ADAMTS9: variants seen among roughly 807,000 people sequenced by gnomAD.
ADAMTS9 encodes A disintegrin and metalloproteinase with thrombospondin motifs 9.
A neutral mutation model predicts 257.1 loss-of-function variants in ADAMTS9; 107 were observed. The ratio of observed to expected loss-of-function variants is 0.42; its 90% CI spans 0.36 to 0.49. The LOEUF (loss-of-function observed/expected upper bound fraction) is 0.49. Among genes scored for constraint, ADAMTS9 ranks in the 20% least tolerant of loss-of-function variants. The pLI, the probability that ADAMTS9 is intolerant of heterozygous loss-of-function variation, is 0.03. For synonymous variants in ADAMTS9, 982 were observed against 880.9 expected (o/e 1.11, Z -2.03); for missense variants, 2,353 against 2,469.1 (o/e 0.95, Z 1.00).
intron 12 of ADAMTS9, among the ~76,000 whole-genome samples, chr3:64,640,827 C>T (rs1462119290): frequency 6.6e-6 from 1 of 152,114 alleles, no homozygotes; most frequent in Non-Finnish European, 1.5e-5. Flanking sequence ...AAACAACCTT[C>T]CCCCACCCTC....
intron 37 of ADAMTS9, among the ~76,000 whole-genome samples, chr3:64,533,739 G>A (rs2083011863): frequency 6.6e-6 from 1 of 152,192 alleles, no homozygotes; most frequent in Non-Finnish European, 1.5e-5. Flanking sequence ...TTAGCACACC[G>A]CGTACTAAGC....
At chr3:64,657,773 T>C (rs1440896842) in intron 4 of ADAMTS9, among the ~76,000 whole-genome samples, 1 of 152,104 alleles carries the variant, frequency 6.6e-6, no homozygotes, top group African/African-American at 2.4e-5. Context: ...GTTAGAAACA[T>C]ATACAAAAAC....
At chr3:64,615,803 T>C (rs1180833757) in intron 20 of ADAMTS9, among the ~76,000 whole-genome samples, 157 bp downstream of exon 20, 1 of 152,186 alleles carries the variant, frequency 6.6e-6, no homozygotes, top group Non-Finnish European at 1.5e-5. Flanking sequence ...TCAACCATGC[T>C]ACTCTATTCT....
chr3:64,578,122 T>G (rs920054298), intron 28 of ADAMTS9, among the ~76,000 whole-genome samples: 1 of 152,174 alleles, frequency 6.6e-6, no homozygotes, highest in East Asian at 1.9e-4. Context: ...GAGAAATGTA[T>G]CTCAGCAGCA....
At chr3:64,669,666 G>A (rs1223417182) in intron 3 of ADAMTS9, among the ~76,000 whole-genome samples, 2 of 152,144 alleles carry the variant, frequency 1.3e-5, no homozygotes, top group East Asian at 3.9e-4. Context: ...CTGAGCCACT[G>A]TCACTGTCAG....
chr3:64,517,416 G>GTTTTTTTTTTGTTTTTTTTTTTTTTTT (rs2082789693), intron 39 of ADAMTS9, among the ~76,000 whole-genome samples: 1 of 52,638 alleles, frequency 1.9e-5, no homozygotes, highest in Non-Finnish European at 3.8e-5. Flanking sequence ...ATTAAAAATG[G>GTTTTTTTTTTGTTTTTTTTTTTTTTTT]TTTTTTTTTT....
intron 28 of ADAMTS9, among the ~76,000 whole-genome samples, chr3:64,579,747 G>A (rs1235714190): frequency 6.6e-6 from 1 of 152,170 alleles, no homozygotes; most frequent in Non-Finnish European, 1.5e-5. Flanking sequence ...TAAACATTCT[G>A]CACAATGCTC....
rs572621512 is a variant in ADAMTS9, at chr3:64,686,275, T to C, written c.516+293A>G. Among the ~76,000 whole-genome samples, 1 of 152,240 alleles carries C rather than the reference T, an allele frequency of 6.6e-6. No homozygotes were observed. The highest frequency in any genetic ancestry group is 1.9e-4 in the East Asian group (1 of 5,178). On this transcript the variant is annotated intron_variant, in intron 2 of 39. Transcript: ENST00000498707. The surrounding 1 kb of genome is among the most constrained non-coding windows in gnomAD (Gnocchi z 4.6). ...AGTAACTTTCTCCGAGTTTGGAAAC[T>C]GACTTCCAGGCCGCCTCGCAGCGTT...
intron 8 of ADAMTS9, among the ~76,000 whole-genome samples, chr3:64,652,370 A>C (rs1002674626): frequency 2.6e-5 from 4 of 152,254 alleles, no homozygotes. Context: ...TAGTTCTTAA[A>C]ACATGAGACT....
chr3:64,647,310 A>T (rs1700822124), intron 11 of ADAMTS9, among the ~76,000 whole-genome samples: 1 of 152,208 alleles, frequency 6.6e-6, no homozygotes, highest in Non-Finnish European at 1.5e-5. Flanking sequence ...CACTAGGTAC[A>T]GAAGGTTAAG....
At chr3:64,677,803 C>A (rs1053459811) in intron 3 of ADAMTS9, among the ~76,000 whole-genome samples, 3 of 152,108 alleles carry the variant, frequency 2.0e-5, no homozygotes, top group African/African-American at 7.2e-5. Context: ...ATGGACAGTT[C>A]CTGGTTTTCT....
intron 3 of ADAMTS9, among the ~76,000 whole-genome samples, chr3:64,667,461 C>T (rs1701376424): frequency 6.6e-6 from 1 of 152,180 alleles, no homozygotes; most frequent in Non-Finnish European, 1.5e-5. Context: ...GGATGGGCTT[C>T]CCTCTCAGGG....
Position 64,654,554 on chromosome 3 carries a change from T to A in ADAMTS9, c.1210+18A>T, listed in dbSNP as rs1348511918. Reference sequence around the variant, plus strand: ...GTAAAACGGTTTTAGCCATAGAAGATACGCACAGAGAACTCACCTAAGGTA... The same window carrying A: ...GTAAAACGGTTTTAGCCATAGAAGAAACGCACAGAGAACTCACCTAAGGTA... On this transcript the variant is annotated intron_variant, in intron 7 of 39. Transcript: ENST00000498707. The A allele has an allele frequency of 6.2e-7, 1 of 1,614,010 alleles. No individual in the cohort carries two copies. Among genetic ancestry groups the A allele is most frequent in the Non-Finnish European group, 8.5e-7 (1 of 1,179,938 alleles).
intron 32 of ADAMTS9, among the ~76,000 whole-genome samples, chr3:64,545,498 T>C (rs2083185170): frequency 6.6e-6 from 1 of 152,020 alleles, no homozygotes. Context: ...CTCAGCAAAC[T>C]ATCACAAGGA....
intron 30 of ADAMTS9, among the ~76,000 whole-genome samples, chr3:64,554,720 A>G (rs1172093524): frequency 6.6e-6 from 1 of 152,216 alleles, no homozygotes; most frequent in Non-Finnish European, 1.5e-5. Context: ...GAAAATAATC[A>G]CAGTGCTGGA....
intron 12 of ADAMTS9, among the ~76,000 whole-genome samples, chr3:64,636,278 T>A (rs1576145307): frequency 6.6e-6 from 1 of 152,272 alleles, no homozygotes; most frequent in Non-Finnish European, 1.5e-5. Context: ...ATAAAAAACA[T>A]TTTTTATAAA....
chr3:64,641,930 C>A lies in ADAMTS9; in HGVS notation c.1774G>T (p.Gly592Ter). Reference protein sequence around the residue: ...MDVPVTDGSWGSWSPFGTCSR... With the variant: ...MDVPVTDGSW ...CAGGTTCCAAAGGGACTCCAACTTC[C>A]CCAGGATCCATCTGTCACGGGGACA... is the stretch of plus-strand genomic sequence containing the variant. The change falls in exon 12 of 40, where the codon GGA (glycine) becomes TGA (stop). Residue 592 changes from glycine (G) to a stop codon, truncating the protein, a stop_gained. Transcript: ENST00000498707. LOFTEE classifies it high-confidence loss of function. The A allele has an allele frequency of 6.2e-7, 1 of 1,614,118 alleles. No homozygotes were observed. Among genetic ancestry groups the A allele is most frequent in the Non-Finnish European group, 8.5e-7 (1 of 1,180,004 alleles).
At position 64,686,692 on chromosome 3, in the gene ADAMTS9, G is replaced by T. The variant is rs149713292; in HGVS notation, c.392C>A (p.Thr131Lys). The T allele has an allele frequency of 5.1e-5, 83 of 1,614,210 alleles. No homozygotes were observed. In the African/African-American group the frequency reaches 1.0e-3, roughly 19 times the overall value. The part of the protein sequence containing the change: ...APLFTVTLLG[T>K]PGVNQTKFYS... The stretch of plus-strand genomic sequence containing the variant: ...AAACTTGGTCTGATTCACCCCGGGC[G>T]TCCCGAGGAGGGTGACAGTGAACAG... The change falls in exon 2 of 40, where the codon ACG (threonine) becomes AAG (lysine). Residue 131 changes from threonine to lysine, a missense_variant. Transcript: ENST00000498707. The surrounding 1 kb of genome is among the most constrained non-coding windows in gnomAD (Gnocchi z 4.6).
intron 22 of ADAMTS9, among the ~76,000 whole-genome samples, chr3:64,612,009 A>G (rs1410462262): frequency 2.0e-5 from 3 of 152,238 alleles, no homozygotes; most frequent in Non-Finnish European, 4.4e-5. Flanking sequence ...CAGTCACAAT[A>G]TTAATTTAAA....
Sources: allele counts gnomAD v4.1 joint callset (sites outside exome capture counted in the v4.1 genomes callset), GRCh38; gene constraint gnomAD v4.1.1; non-coding constraint Gnocchi (gnomAD v3.1); transcripts MANE v1.5; gene names NCBI Gene and HGNC (gene_info 2026-07-23, HGNC 2026-07-21).